Variants in MELK observed in about 807,000 individuals in gnomAD.
The protein encoded by MELK is pEg3 kinase.
MELK carries 81 observed loss-of-function variants against 85.0 expected under a neutral mutation model. That is an observed-to-expected ratio of 0.95 (90% CI 0.80 to 1.15). MELK has a LOEUF of 1.15. MELK is among the 50% of genes most tolerant of loss of function. The probability of loss-of-function intolerance (pLI) is 0.00; values close to 1 mark genes in which losing one functional copy is unlikely to be tolerated. For missense variants in MELK, 754 were observed against 777.5 expected, an observed-to-expected ratio of 0.97 and a Z score of 0.36; for synonymous variants, 252 against 265.0, an observed-to-expected ratio of 0.95 and a Z score of 0.48.
At chr9:36,613,421 CAG>C (rs1826241338) in intron 8 of MELK, among the ~76,000 whole-genome samples, 1 of 152,194 alleles carries the variant, frequency 6.6e-6, no homozygotes, top group Non-Finnish European at 1.5e-5. Flanking sequence ...GTGAATAAAA[CAG>C]ATGAAAGATC....
chr9:36,585,670 C>T (rs1822818606), intron 3 of MELK, among the ~76,000 whole-genome samples: 1 of 152,084 alleles, frequency 6.6e-6, no homozygotes, highest in African/African-American at 2.4e-5. Context: ...GGTGTGGTGG[C>T]TCATCCCTGT....
intron 5 of MELK, among the ~76,000 whole-genome samples, chr9:36,596,008 G>A (rs990070930): frequency 1.3e-5 from 2 of 151,740 alleles, no homozygotes; most frequent in African/African-American, 4.8e-5. Flanking sequence ...TAGGCCTGGG[G>A]TTTTGCCATG....
chr9:36,661,936 CAA>C (rs1174052114), intron 13 of MELK, among the ~76,000 whole-genome samples: 5 of 72,826 alleles, frequency 6.9e-5, no homozygotes, highest in Non-Finnish European at 5.5e-5. Context: ...GACTCCGTCT[CAA>C]AAAAAAAAAA....
At chr9:36,637,202 A>G (rs1201688345) in intron 10 of MELK, among the ~76,000 whole-genome samples, 1 of 152,126 alleles carries the variant, frequency 6.6e-6, no homozygotes, top group East Asian at 1.9e-4. Context: ...TTCTGCTTGC[A>G]TTGTACTTAC....
chr9:36,624,327 C>T (rs1201738317), intron 8 of MELK, among the ~76,000 whole-genome samples: 1 of 152,110 alleles, frequency 6.6e-6, no homozygotes, highest in Non-Finnish European at 1.5e-5. Flanking sequence ...TAAGGTCATA[C>T]AGCTAGTAAG....
chr9:36,634,751 G>A (rs373555943), intron 10 of MELK, among the ~76,000 whole-genome samples: 5 of 151,980 alleles, frequency 3.3e-5, no homozygotes, highest in African/African-American at 1.2e-4. Context: ...TGTAATCCCA[G>A]CACTTTGGGA....
At chr9:36,636,134 A>G (rs1449374951) in intron 10 of MELK, among the ~76,000 whole-genome samples, 4 of 152,010 alleles carry the variant, frequency 2.6e-5, no homozygotes, top group Non-Finnish European at 5.9e-5. Flanking sequence ...AAAAATGTGG[A>G]TATTACTATA....
intron 8 of MELK, among the ~76,000 whole-genome samples, chr9:36,628,361 A>G (rs1271674389): frequency 6.6e-6 from 1 of 152,218 alleles, no homozygotes; most frequent in African/African-American, 2.4e-5. Context: ...AGCAGTAGTC[A>G]GTGACAGTTG....
Position 36,677,287 on chromosome 9 carries a change from T to A in MELK, c.1906T>A (p.Trp636Arg). The A allele has an allele frequency of 6.2e-7, 1 of 1,613,938 alleles. No individual in the cohort carries two copies. Among genetic ancestry groups the A allele is most frequent in the Non-Finnish European group, 8.5e-7 (1 of 1,179,910 alleles). ...IRRQRLKGDA[W>R]VYKRLVEDIL... ...GAGGCAGCGGCTTAAGGGCGATGCC[T>A]GGGTTTACAAAAGATTAGTGGAAGA... The change falls in exon 18 of 18, where the codon TGG (tryptophan) becomes AGG (arginine). Residue 636 changes from tryptophan to arginine, a missense_variant. Trp to Arg is a moderately radical substitution (Grantham distance 101). Coordinates refer to ENST00000298048, the MANE Select transcript of MELK (RefSeq NM_014791.4).
intron 10 of MELK, among the ~76,000 whole-genome samples, chr9:36,635,642 A>G (rs1023478302): frequency 2.0e-5 from 3 of 152,166 alleles, no homozygotes; most frequent in Non-Finnish European, 2.9e-5. Flanking sequence ...TATTATTATA[A>G]AAATAGTTTG....
intron 3 of MELK, among the ~76,000 whole-genome samples, chr9:36,585,148 A>C (rs1031802743): frequency 2.6e-4 from 39 of 152,030 alleles, no homozygotes; most frequent in African/African-American, 7.5e-4. Context: ...CAGCCCATTC[A>C]GTTTGTGGTC....
chr9:36,663,121 C>T (rs1180019340), intron 13 of MELK, among the ~76,000 whole-genome samples: 1 of 151,174 alleles, frequency 6.6e-6, no homozygotes, highest in Non-Finnish European at 1.5e-5. Flanking sequence ...TCTCTTCTTG[C>T]CCAGGCTGGA....
chr9:36,657,879 G>A (rs959478432), intron 13 of MELK, among the ~76,000 whole-genome samples: 3 of 152,108 alleles, frequency 2.0e-5, no homozygotes, highest in Middle Eastern at 3.2e-3. Context: ...CACTGTGCCC[G>A]GCCTTCTTTT....
At chr9:36,580,721 T>C (rs955963319) in intron 1 of MELK, among the ~76,000 whole-genome samples, 6 of 151,090 alleles carry the variant, frequency 4.0e-5, no homozygotes, top group Admixed American at 2.0e-4. Flanking sequence ...TTTGTGTTTC[T>C]TTGAGAAATT....
chr9:36,634,255 G>A (rs1448286311), intron 10 of MELK, among the ~76,000 whole-genome samples: 3 of 152,172 alleles, frequency 2.0e-5, no homozygotes, highest in East Asian at 1.9e-4. Context: ...TCTAATTTTT[G>A]CTTAAAAGCT....
At chr9:36,586,371 T>G (rs888710579) in intron 3 of MELK, among the ~76,000 whole-genome samples, 4 of 151,252 alleles carry the variant, frequency 2.6e-5, no homozygotes, top group Non-Finnish European at 4.4e-5. Flanking sequence ...TCAAAGAGTA[T>G]GTAAGTAGTT....
intron 12 of MELK, among the ~76,000 whole-genome samples, chr9:36,654,349 CT>C (rs34436735): frequency 0.023 from 1,891 of 83,946 alleles, 26 homozygotes; most frequent in African/African-American, 0.08. Flanking sequence ...ATTGGATTGT[CT>C]TTTTTTTTTT....
intron 10 of MELK, 53 bp from the exon 11 acceptor site, chr9:36,642,944 A>T (rs1473029581): frequency 7.8e-7 from 1 of 1,288,638 alleles, no homozygotes; most frequent in Non-Finnish European, 1.1e-6. Context: ...ATGTGAAAAC[A>T]TTGAATATAT....
intron 1 of MELK, 24 bp from the exon 2 acceptor site, chr9:36,581,620 G>T: frequency 5.2e-6 from 6 of 1,157,198 alleles, no homozygotes; most frequent in South Asian, 1.3e-5. Flanking sequence ...TTCCTTTATT[G>T]ATTATGTACT....
Sources: allele counts gnomAD v4.1 joint callset (sites outside exome capture counted in the v4.1 genomes callset), GRCh38; gene constraint gnomAD v4.1.1; transcripts MANE v1.5; gene names NCBI Gene and HGNC (gene_info 2026-07-23, HGNC 2026-07-21).